ARMC9: variants seen among roughly 807,000 people sequenced by gnomAD.
ARMC9 encodes lisH domain-containing protein ARMC9.
Under a neutral mutation model 107.0 loss-of-function variants are expected in ARMC9, and 94 were observed. That is an observed-to-expected ratio of 0.88 (90% CI 0.74 to 1.04). ARMC9 has a LOEUF of 1.04. Among genes scored for constraint, ARMC9 ranks in the 50% least tolerant of loss-of-function variants. ARMC9 has a pLI of 0.00. For synonymous variants in ARMC9, 380 were observed against 396.9 expected (o/e 0.96, Z 0.51); for missense variants, 942 against 1,030.1 (o/e 0.91, Z 1.17).
rs192725354 is a variant in ARMC9, at chr2:231,255,134, A to G, written c.880-1452A>G. Among the ~76,000 whole-genome samples the G allele has an allele frequency of 3.3e-5, 5 of 151,956 alleles. No individual in the cohort carries two copies. Among genetic ancestry groups the G allele is most frequent in the Admixed American group, 1.3e-4 (2 of 15,242 alleles). ...CTGTATCTGCTTATATGTTTCTCAG[A>G]TGTATTTTAGTACATAATACAGCAC... On this transcript the variant is annotated intron_variant, in intron 9 of 24. Coordinates refer to ENST00000611582, the MANE Select transcript of ARMC9 (RefSeq NM_001352754.2). The surrounding 1 kb of genome is among the most constrained non-coding windows in gnomAD (Gnocchi z 4.7).
chr2:231,240,759 C>T (rs908171781), intron 9 of ARMC9, among the ~76,000 whole-genome samples: 1 of 152,190 alleles, frequency 6.6e-6, no homozygotes, highest in Non-Finnish European at 1.5e-5. Flanking sequence ...CACTGCATTT[C>T]CCGTCCTCTG....
chr2:231,355,357 AGTTCTGCAGTCTC>A (rs2045296616), intron 21 of ARMC9, among the ~76,000 whole-genome samples: 2 of 152,124 alleles, frequency 1.3e-5, no homozygotes, highest in African/African-American at 4.8e-5. Flanking sequence ...AAAAGAAGAA[AGTTCTGCAGTCTC>A]GTTCTTGGCC....
intron 3 of ARMC9, among the ~76,000 whole-genome samples, chr2:231,210,236 G>A (rs555144894): frequency 5.3e-5 from 8 of 152,320 alleles, no homozygotes; most frequent in African/African-American, 1.7e-4. Flanking sequence ...TGGATGCTGA[G>A]CTGCTGCTGC....
In ARMC9 at chr2:231,360,792, G is replaced by A. The variant is rs551014966; in HGVS notation, c.2170G>A (p.Gly724Arg). The stretch of plus-strand genomic sequence containing the variant: ...CAAGCCAGGAGAGTGGCTCCCAAGA[G>A]GACGCCAGGAAGAGCCTCGCCCAGC... ...IAKPGEWLPR[G>R]RQEEPRPAPT... The change falls in exon 23 of 25, where the codon GGA (glycine) becomes AGA (arginine). Residue 724 changes from glycine (G) to arginine (R), a missense_variant. Physicochemically the swap from Gly to Arg is moderately radical, Grantham distance 125. Transcript: ENST00000611582. The surrounding 1 kb of genome is among the most constrained non-coding windows in gnomAD (Gnocchi z 4.7). 3.3e-6 allele frequency: 5 copies of A among 1,536,162 alleles called. No homozygotes were observed. The African/African-American group carries it at 6.8e-5, about 21-fold the overall frequency.
chr2:231,312,335 G>T (rs2042400275), intron 19 of ARMC9, among the ~76,000 whole-genome samples: 1 of 152,214 alleles, frequency 6.6e-6, no homozygotes, highest in Non-Finnish European at 1.5e-5. Context: ...GTCCTCTTGA[G>T]GCTGAGGCTC....
At chr2:231,242,122 T>C (rs1390852486) in intron 9 of ARMC9, among the ~76,000 whole-genome samples, 1 of 152,054 alleles carries the variant, frequency 6.6e-6, no homozygotes, top group Non-Finnish European at 1.5e-5. Context: ...GGTGTGTTAC[T>C]TATGTAATTT....
Position 231,360,935 on chromosome 2 carries a change from G to A in ARMC9, c.2261+52G>A. On this transcript the variant is annotated intron_variant, in intron 23 of 24. Transcript: ENST00000611582. The surrounding 1 kb of genome is among the most constrained non-coding windows in gnomAD (Gnocchi z 4.7). Reference sequence around the variant, plus strand: ...ACCTGACTCTCGGAGCTCTGGGAGTGGGCGCCCCACGCCGGATGCAGAGCA... The same window carrying A: ...ACCTGACTCTCGGAGCTCTGGGAGTAGGCGCCCCACGCCGGATGCAGAGCA... The A allele has an allele frequency of 2.0e-6, 3 of 1,467,262 alleles. No individual in the cohort carries two copies. The highest frequency in any genetic ancestry group is 2.5e-5 in the East Asian group (1 of 40,464). 90.9% of individuals were successfully genotyped at this position (1,467,262 alleles called of 1,614,324 possible).
chr2:231,321,567 C>G (rs997120198), intron 19 of ARMC9, among the ~76,000 whole-genome samples: 6 of 152,098 alleles, frequency 3.9e-5, no homozygotes, highest in Non-Finnish European at 7.3e-5. Context: ...TTCATTGGGT[C>G]AGGAGTGTGT....
intron 17 of ARMC9, among the ~76,000 whole-genome samples, chr2:231,288,494 T>G (rs17620062): frequency 0.12 from 18,839 of 152,174 alleles, 2,492 homozygotes; most frequent in African/African-American, 0.32. Flanking sequence ...TTGAAGACCT[T>G]TAGTGATAGA....
intron 4 of ARMC9, among the ~76,000 whole-genome samples, chr2:231,215,766 G>A (rs559052791): frequency 3.9e-5 from 6 of 152,312 alleles, no homozygotes; most frequent in South Asian, 2.1e-4. Flanking sequence ...GAACACCAAC[G>A]GTGGGGACAG....
intron 14 of ARMC9, among the ~76,000 whole-genome samples, chr2:231,273,753 T>C (rs184824135): frequency 4.9e-4 from 75 of 152,224 alleles, no homozygotes; most frequent in Non-Finnish European, 8.1e-4. Flanking sequence ...TGTTGAGATG[T>C]ATTTACACAC....
In ARMC9 at chr2:231,375,414, C is replaced by A. The variant is rs546150307; in HGVS notation, c.*3879C>A. ...GTGTGAAAGGATGTGGATACAGGGA[C>A]CCCGAATGAACCAGAGGCAATACTG... On this transcript the variant is annotated 3_prime_UTR_variant, in exon 25 of 25. Coordinates refer to ENST00000611582, the MANE Select transcript of ARMC9 (RefSeq NM_001352754.2). The surrounding 1 kb of genome is among the most constrained non-coding windows in gnomAD (Gnocchi z 4.3). Among the ~76,000 whole-genome samples, 36 of 152,210 alleles carry A rather than the reference C, an allele frequency of 2.4e-4. No individual in the cohort carries two copies. Among genetic ancestry groups the A allele is most frequent in the Non-Finnish European group, 5.0e-4 (34 of 68,048 alleles).
chr2:231,341,524 G>A lies in ARMC9; in HGVS notation c.1879-3451G>A, dbSNP rs148276951. Among the ~76,000 whole-genome samples, 435 of 152,320 alleles carry A rather than the reference G, an allele frequency of 2.9e-3. 5 individuals carry two copies. Among genetic ancestry groups the A allele is most frequent in the Middle Eastern group, 3.4e-3 (1 of 294 alleles). On this transcript the variant is annotated intron_variant, in intron 20 of 24. Coordinates refer to ENST00000611582, the MANE Select transcript of ARMC9 (RefSeq NM_001352754.2). The stretch of plus-strand genomic sequence containing the variant: ...TTGCCGTGCCGACAAAATCAGTTCT[G>A]TTGGTCAGGAAGGAGAGGGTGAATA...
intron 23 of ARMC9, among the ~76,000 whole-genome samples, chr2:231,363,289 CT>C (rs1035137919): frequency 6.6e-6 from 1 of 152,184 alleles, no homozygotes; most frequent in African/African-American, 2.4e-5. Context: ...GTCCCCTCAA[CT>C]TCCCCGAGCT....
chr2:231,355,956 T>C (rs1009557257), intron 22 of ARMC9, 22 bp downstream of exon 22: 2 of 1,530,794 alleles, frequency 1.3e-6, no homozygotes, highest in African/African-American at 1.4e-5. Flanking sequence ...GGCAGCACAC[T>C]GGGTCAGTTC....
chr2:231,337,126 T>TC (rs1412766238), intron 20 of ARMC9, among the ~76,000 whole-genome samples: 5 of 152,068 alleles, frequency 3.3e-5, no homozygotes, highest in South Asian at 4.2e-4. Context: ...GGGTTTTTTT[T>TC]CACATATGTC....
chr2:231,243,537 C>G (rs955109264), intron 9 of ARMC9, among the ~76,000 whole-genome samples: 3 of 152,176 alleles, frequency 2.0e-5, no homozygotes, highest in African/African-American at 4.8e-5. Flanking sequence ...CCTACCACCC[C>G]GACTGTTATG....
In ARMC9 at chr2:231,273,064, G is replaced by A. The variant is rs1274783303; in HGVS notation, c.1320G>A (p.Gln440=). The A allele has an allele frequency of 1.2e-6, 2 of 1,613,606 alleles. No homozygotes were observed. Among genetic ancestry groups the A allele is most frequent in the South Asian group, 1.1e-5 (1 of 91,050 alleles). Residue 440 remains glutamine, a synonymous_variant, in exon 14 of 25, where the codon CAG becomes CAA. Transcript: ENST00000611582. ...GGGAGAATGTTCTTGGGGCCCTGCA[G>A]AAGTTCAGTCTCAGGTAACGACTGT... ...ITRENVLGAL[Q]KFSLRRPLQT...
chr2:231,212,159 TATA>T (rs2032959379), intron 3 of ARMC9, among the ~76,000 whole-genome samples: 1 of 152,254 alleles, frequency 6.6e-6, no homozygotes, highest in Admixed American at 6.5e-5. Context: ...TGTTGTGAGA[TATA>T]AGAAGCGTGT....
Sources: allele counts gnomAD v4.1 joint callset (sites outside exome capture counted in the v4.1 genomes callset), GRCh38; gene constraint gnomAD v4.1.1; non-coding constraint Gnocchi (gnomAD v3.1); transcripts MANE v1.5; gene names NCBI Gene and HGNC (gene_info 2026-07-23, HGNC 2026-07-21).